The following ABCG4 variants were observed in gnomAD, a reference collection of about 807,000 sequenced individuals.
ABCG4 encodes ATP binding cassette subfamily G member 4.
A neutral mutation model predicts 64.6 loss-of-function variants in ABCG4; 35 were observed. The ratio of observed to expected loss-of-function variants is 0.54; its 90% CI spans 0.41 to 0.72. The LOEUF (loss-of-function observed/expected upper bound fraction) is 0.72. ABCG4 is among the 30% of genes least tolerant of loss of function. The pLI is 0.00. For synonymous variants in ABCG4, 326 were observed against 348.2 expected, an observed-to-expected ratio of 0.94 and a Z score of 0.71; for missense variants, 610 against 846.3, an observed-to-expected ratio of 0.72 and a Z score of 3.46.
Position 119,160,838 on chromosome 11 carries a change from G to C in ABCG4, c.1716-43G>C, listed in dbSNP as rs1466105143. The C allele has an allele frequency of 6.3e-7, 1 of 1,588,340 alleles. No individual in the cohort carries two copies. Among genetic ancestry groups the C allele is most frequent in the Non-Finnish European group, 8.6e-7 (1 of 1,160,446 alleles). On this transcript the variant is annotated intron_variant, in intron 14 of 14. Coordinates refer to ENST00000619701, the MANE Select transcript of ABCG4 (RefSeq NM_022169.5). This position sits in a 1 kb window ranked among gnomAD's most constrained non-coding sequence, Gnocchi z 4.6. Reference sequence around the variant, plus strand: ...TCTGGCAGTTTTCTCAGAGAGCAGGGACCCTGTGTGCTGTATCCCATCTGA... The same window carrying C: ...TCTGGCAGTTTTCTCAGAGAGCAGGCACCCTGTGTGCTGTATCCCATCTGA...
intron 2 of ABCG4, among the ~76,000 whole-genome samples, chr11:119,152,573 C>T (rs756704262): frequency 8.5e-5 from 13 of 152,202 alleles, no homozygotes; most frequent in Admixed American, 1.3e-4. Context: ...ACGTCCTCAC[C>T]TATGAGGCAG....
rs1466680561 is a variant in ABCG4, at chr11:119,149,777, G to A, written c.-12-177G>A. The A allele has an allele frequency of 1.1e-5, 12 of 1,044,130 alleles. No homozygotes were observed. The highest frequency in any genetic ancestry group is 1.6e-5 in the Non-Finnish European group (12 of 742,678). The allele number at this position is 1,044,130 out of a possible 1,614,324, so 64.7% of individuals were successfully genotyped here. A position where few individuals can be genotyped will look rare whatever the true frequency, so the allele number is the denominator to read the frequency against. On this transcript the variant is annotated intron_variant, in intron 1 of 14. Coordinates refer to ENST00000619701, the MANE Select transcript of ABCG4 (RefSeq NM_022169.5). The surrounding 1 kb of genome is among the most constrained non-coding windows in gnomAD (Gnocchi z 8.3). ...GGGTCAGGCTGGAGCTGGGCTGCCC[G>A]GGACTGAGCGTCTCCGTGCGGAGAG...
chr11:119,154,833 T>C lies in ABCG4; in HGVS notation c.604T>C (p.Ser202Pro), dbSNP rs1167569024. 1 of 1,613,964 alleles carries C rather than the reference T, an allele frequency of 6.2e-7. No homozygotes were observed. Among genetic ancestry groups the C allele is most frequent in the African/African-American group, 1.3e-5 (1 of 74,938 alleles). The change falls in exon 6 of 15, where the codon TCT becomes CCT. Residue 202 changes from serine to proline, a missense_variant. Coordinates refer to ENST00000619701, the MANE Select transcript of ABCG4 (RefSeq NM_022169.5). The surrounding 1 kb of genome is among the most constrained non-coding windows in gnomAD (Gnocchi z 7.0). Reference protein sequence around the residue: ...SCSHTRTALLSGGQRKRLAIA... With the variant: ...SCSHTRTALLPGGQRKRLAIA... ...CTCCCACACGAGGACAGCCCTGCTC[T>C]CTGGCGGGCAGAGGAAGCGTCTGGC...
chr11:119,154,440 C>T lies in ABCG4; in HGVS notation c.489+48C>T, dbSNP rs1948237990. 1 of 1,614,122 alleles carries T rather than the reference C, an allele frequency of 6.2e-7. No individual in the cohort carries two copies. On this transcript the variant is annotated intron_variant, in intron 4 of 14. Transcript: ENST00000619701. The surrounding 1 kb of genome is among the most constrained non-coding windows in gnomAD (Gnocchi z 7.0). ...TCCTCCCAGCAACCCCCTCTGTCTG[C>T]TGTCGCCACCTTCACCATTGGCGGA...
Position 119,161,045 on chromosome 11 carries a change from T to C in ABCG4, c.1880T>C (p.Phe627Ser), listed in dbSNP as rs1471512431. The stretch of plus-strand genomic sequence containing the variant: ...GACTTCCTGGTCTTGGGCATCTTCT[T>C]CCTAGCCCTGCGGCTGCTGGCCTAC... The part of the protein sequence containing the change: ...YMDFLVLGIF[F>S]LALRLLAYLV... The change falls in exon 15 of 15, where the codon TTC becomes TCC. Residue 627 changes from phenylalanine (F) to serine (S), a missense_variant. Phe to Ser is a radical substitution (Grantham distance 155, BLOSUM62 -2). Coordinates refer to ENST00000619701, the MANE Select transcript of ABCG4 (RefSeq NM_022169.5). 1 of 1,614,038 alleles carries C rather than the reference T, an allele frequency of 6.2e-7. No homozygotes were observed. Among genetic ancestry groups the C allele is most frequent in the South Asian group, 1.1e-5 (1 of 91,074 alleles).
chr11:119,160,432 G>A lies in ABCG4; in HGVS notation c.1596+47G>A, dbSNP rs1463351353. ...AATTCCCAAGGCGGGATGAGGTCTTGTGGGAGGAAGCAGGGCCTGGTGCAA... is the reference window on the plus strand; with the variant it reads ...AATTCCCAAGGCGGGATGAGGTCTTATGGGAGGAAGCAGGGCCTGGTGCAA... On this transcript the variant is annotated intron_variant, in intron 13 of 14. Transcript: ENST00000619701. The surrounding 1 kb of genome is among the most constrained non-coding windows in gnomAD (Gnocchi z 4.6). 2 of 1,604,480 alleles carry A rather than the reference G, an allele frequency of 1.2e-6. No homozygotes were observed. Among genetic ancestry groups the A allele is most frequent in the African/African-American group, 1.3e-5 (1 of 74,820 alleles).
Position 119,157,024 on chromosome 11 carries a change from G to C in ABCG4, c.1068+10G>C. On this transcript the variant is annotated intron_variant, in intron 9 of 14. Coordinates refer to ENST00000619701, the MANE Select transcript of ABCG4 (RefSeq NM_022169.5). ...CCCTCCTTGTCCTCCGGTGAGTAGG[G>C]GTGGAGAGGGCAGAGCAGGCATAGT... 6.3e-7 allele frequency: 1 copy of C among 1,596,242 alleles called. No individual in the cohort carries two copies. Among genetic ancestry groups the C allele is most frequent in the Non-Finnish European group, 8.5e-7 (1 of 1,171,824 alleles).
At position 119,150,326 on chromosome 11, in the gene ABCG4, A is replaced by G. The variant is rs1019486894; in HGVS notation, c.238+123A>G. The G allele has an allele frequency of 1.1e-5, 15 of 1,371,444 alleles. No individual in the cohort carries two copies. The highest frequency in any genetic ancestry group is 2.9e-5 in the African/African-American group (2 of 69,250). The allele number at this position is 1,371,444 out of a possible 1,614,324, so 85.0% of individuals were successfully genotyped here. A position where few individuals can be genotyped will look rare whatever the true frequency, so the allele number is the denominator to read the frequency against. The stretch of plus-strand genomic sequence containing the variant: ...CCAGTGGGCTCTGTGGAAACACTAA[A>G]ATCTGGGCCCCAGCCCGTTGCTCAC... On this transcript the variant is annotated intron_variant, in intron 2 of 14. Transcript: ENST00000619701. This position sits in a 1 kb window ranked among gnomAD's most constrained non-coding sequence, Gnocchi z 4.3.
chr11:119,153,959 C>T, intron 2 of ABCG4, 67 bp from the exon 3 acceptor site: 1 of 1,379,426 alleles, frequency 7.2e-7, no homozygotes. Context: ...ATGGCTGCTC[C>T]TAAGAATTTT....
Position 119,160,571 on chromosome 11 carries a change from C to T in ABCG4, c.1630C>T (p.Pro544Ser). ...TTTTGTGGGCCCAGTTACCGCCATC[C>T]CTGTCCTCTTGTTCTCCGGCTTCTT... Reference protein sequence around the residue: ...ATFVGPVTAIPVLLFSGFFVS... With the variant: ...ATFVGPVTAISVLLFSGFFVS... The change falls in exon 14 of 15, where the codon CCT becomes TCT. Residue 544 changes from proline to serine, a missense_variant. By Grantham distance (74) the Pro-to-Ser change is moderately conservative. Transcript: ENST00000619701. The surrounding 1 kb of genome is among the most constrained non-coding windows in gnomAD (Gnocchi z 4.6). 1 of 1,612,510 alleles carries T rather than the reference C, an allele frequency of 6.2e-7. No individual in the cohort carries two copies. Among genetic ancestry groups the T allele is most frequent in the Non-Finnish European group, 8.5e-7 (1 of 1,179,964 alleles).
chr11:119,155,674 A>G lies in ABCG4; in HGVS notation c.687-655A>G, dbSNP rs56168028. On this transcript the variant is annotated intron_variant, in intron 6 of 14. Coordinates refer to ENST00000619701, the MANE Select transcript of ABCG4 (RefSeq NM_022169.5). The surrounding 1 kb of genome is among the most constrained non-coding windows in gnomAD (Gnocchi z 4.5). ...CAGTGCTCACTCCCCTGCTTAAAAC[A>G]TGCAGTGTTTCCTTTCTGACTTGTC... 1,853 of 153,564 alleles carry G rather than the reference A, an allele frequency of 0.012. 20 individuals are homozygous for G. The highest frequency in any genetic ancestry group is 0.023 in the South Asian group (111 of 4,868). The allele number at this position is 153,564 out of a possible 1,614,324, so 9.5% of individuals were successfully genotyped here. A position where few individuals can be genotyped will look rare whatever the true frequency, so the allele number is the denominator to read the frequency against.
At chr11:119,153,658 G>T in intron 2 of ABCG4, 1 of 209,862 alleles carries the variant, frequency 4.8e-6, no homozygotes, top group Non-Finnish European at 9.8e-6. Context: ...GCCAGCTCGG[G>T]CTGTAGTAGT....
In ABCG4 at chr11:119,150,774, G is replaced by A. The variant is rs1948185776; in HGVS notation, c.238+571G>A. ...GTAAGTGGTAGAGCTGAGACCAGAA[G>A]CCCGGTTTCCCAGCTCTCCATGCAT... On this transcript the variant is annotated intron_variant, in intron 2 of 14. Transcript: ENST00000619701. The surrounding 1 kb of genome is among the most constrained non-coding windows in gnomAD (Gnocchi z 4.3). Among the ~76,000 whole-genome samples, 1 of 152,168 alleles carries A rather than the reference G, an allele frequency of 6.6e-6. No homozygotes were observed. The highest frequency in any genetic ancestry group is 2.1e-4 in the South Asian group (1 of 4,826).
Position 119,154,283 on chromosome 11 carries a change from T to C in ABCG4, c.380T>C (p.Ile127Thr). ...GYRESGMKGQ[I>T]LVNGRPRELR... ...AGGGAGTCTGGAATGAAGGGGCAGA[T>C]CCTGGTTAATGGAAGGCCACGGGAG... The change falls in exon 4 of 15, where the codon ATC (isoleucine) becomes ACC (threonine). Residue 127 changes from isoleucine (I) to threonine (T), a missense_variant. Transcript: ENST00000619701. This position sits in a 1 kb window ranked among gnomAD's most constrained non-coding sequence, Gnocchi z 7.0. 6.2e-7 allele frequency: 1 copy of C among 1,614,118 alleles called. No individual in the cohort carries two copies. The highest frequency in any genetic ancestry group is 8.5e-7 in the Non-Finnish European group (1 of 1,180,008).
At chr11:119,151,277 C>T (rs760452019) in intron 2 of ABCG4, among the ~76,000 whole-genome samples, 25 of 152,230 alleles carry the variant, frequency 1.6e-4, no homozygotes, top group African/African-American at 4.1e-4. Flanking sequence ...TGTGTCTAGA[C>T]GGGCCAGCTC....
At position 119,160,134 on chromosome 11, in the gene ABCG4, G is replaced by A; in HGVS notation, c.1438-93G>A. On this transcript the variant is annotated intron_variant, in intron 12 of 14. Transcript: ENST00000619701. The surrounding 1 kb of genome is among the most constrained non-coding windows in gnomAD (Gnocchi z 4.6). ...GGCAGGATGGACACCCTGGGAATAG[G>A]TATTCTAGAGGCCCAGCCTTGGGTG... 9 of 1,396,068 alleles carry A rather than the reference G, an allele frequency of 6.4e-6. No homozygotes were observed. Among genetic ancestry groups the A allele is most frequent in the Non-Finnish European group, 8.8e-6 (9 of 1,020,170 alleles). 86.5% of individuals were successfully genotyped at this position (1,396,068 alleles called of 1,614,324 possible). A position where few individuals can be genotyped will look rare whatever the true frequency, so the allele number is the denominator to read the frequency against.
chr11:119,153,589 C>T (rs985813671), intron 2 of ABCG4: 2 of 173,782 alleles, frequency 1.2e-5, no homozygotes, highest in Non-Finnish European at 2.5e-5. Flanking sequence ...GTGACAGGCA[C>T]ATCAAGTAAC....
chr11:119,154,416 C>T lies in ABCG4; in HGVS notation c.489+24C>T, dbSNP rs755870945. 4 of 1,614,022 alleles carry T rather than the reference C, an allele frequency of 2.5e-6. No homozygotes were observed. In the African/African-American group the frequency reaches 4.0e-5, roughly 16 times the overall value. On this transcript the variant is annotated intron_variant, in intron 4 of 14. Coordinates refer to ENST00000619701, the MANE Select transcript of ABCG4 (RefSeq NM_022169.5). The surrounding 1 kb of genome is among the most constrained non-coding windows in gnomAD (Gnocchi z 7.0). ...TGGTGAGGGCTGGATAGTCACCCCT[C>T]CTCCCAGCAACCCCCTCTGTCTGCT...
chr11:119,156,868 C>T lies in ABCG4; in HGVS notation c.926-4C>T, dbSNP rs770589629. The T allele has an allele frequency of 1.9e-6, 3 of 1,605,890 alleles. No individual in the cohort carries two copies. In the Admixed American group the frequency reaches 5.1e-5, roughly 27 times the overall value. On this transcript the variant is annotated splice_polypyrimidine_tract_variant and splice_region_variant and intron_variant, in intron 8 of 14. Coordinates refer to ENST00000619701, the MANE Select transcript of ABCG4 (RefSeq NM_022169.5). This position sits in a 1 kb window ranked among gnomAD's most constrained non-coding sequence, Gnocchi z 5.5. The stretch of plus-strand genomic sequence containing the variant: ...AAACTGAGCTCTCCACTCTGTGTCC[C>T]CAGTCATCGAGGTGGCCTCTGGCGA...
Sources: allele counts gnomAD v4.1 joint callset (sites outside exome capture counted in the v4.1 genomes callset), GRCh38; gene constraint gnomAD v4.1.1; non-coding constraint Gnocchi (gnomAD v3.1); transcripts MANE v1.5; gene names NCBI Gene and HGNC (gene_info 2026-07-23, HGNC 2026-07-21).